Variants in CC2D2B observed in about 807,000 individuals in gnomAD.
CC2D2B encodes the protein protein CC2D2B.
A neutral mutation model predicts 161.2 loss-of-function variants in CC2D2B; 128 were observed. The ratio of observed to expected loss-of-function variants is 0.79; its 90% CI spans 0.69 to 0.92. CC2D2B has a LOEUF of 0.92. Ranked by LOEUF, CC2D2B falls within the 40% of genes least tolerant of loss-of-function variation. CC2D2B has a pLI of 0.00. For synonymous variants in CC2D2B, 391 were observed against 449.8 expected, an observed-to-expected ratio of 0.87 and a Z score of 1.65; for missense variants, 1,173 against 1,375.1, an observed-to-expected ratio of 0.85 and a Z score of 2.32.
At chr10:95,924,665 AC>A in intron 4 of CC2D2B, 113 bp from the exon 5 acceptor site, 1 of 715,798 alleles carries the variant, frequency 1.4e-6, no homozygotes, top group South Asian at 1.8e-5. Context: ...TACACATACC[AC>A]ACTTTTTAAA....
Position 95,950,104 on chromosome 10 carries a change from A to C in CC2D2B, c.1010A>C (p.Lys337Thr), listed in dbSNP as rs528011124. ...AATGTATCTCAGCTGCTTTATGAGA[A>C]GGTGAGAATGGCTTTCATTATAAAG... ...QQNVSQLLYE[K>T]LKALTDATKL... The change falls in exon 10 of 35, where the codon AAG becomes ACG. Residue 337 changes from lysine (K) to threonine (T), a missense_variant and splice_region_variant. Transcript: ENST00000646931. 2 of 398,762 alleles carry C rather than the reference A, an allele frequency of 5.0e-6. No homozygotes were observed. The highest frequency in any genetic ancestry group is 2.5e-4 in the South Asian group (2 of 7,854). 24.7% of individuals were successfully genotyped at this position (398,762 alleles called of 1,614,324 possible). A position where few individuals can be genotyped will look rare whatever the true frequency, so the allele number is the denominator to read the frequency against.
At position 96,032,917 on chromosome 10, in the gene CC2D2B, G is replaced by C; in HGVS notation, c.*909G>C. On this transcript the variant is annotated 3_prime_UTR_variant, in exon 35 of 35. Coordinates refer to ENST00000646931, the MANE Select transcript of CC2D2B (RefSeq NM_001349008.3). The stretch of plus-strand genomic sequence containing the variant: ...TTCTTTCTTAGTAGTGGCTTATCTA[G>C]ATCCTAAGAGCCCCTCAAGAAAGAC... 2.9e-6 allele frequency: 1 copy of C among 348,684 alleles called. No homozygotes were observed. Among genetic ancestry groups the C allele is most frequent in the East Asian group, 7.6e-5 (1 of 13,210 alleles). 21.6% of individuals were successfully genotyped at this position (348,684 alleles called of 1,614,324 possible).
At chr10:96,024,714 G>T in intron 32 of CC2D2B, 139 bp from the exon 33 acceptor site, 1 of 510,928 alleles carries the variant, frequency 2.0e-6, no homozygotes. Context: ...GCTGTGGTCT[G>T]CATGTTACCT....
At position 96,016,282 on chromosome 10, in the gene CC2D2B, G is replaced by A. The variant is rs2079195793; in HGVS notation, c.3598G>A (p.Ala1200Thr). The A allele has an allele frequency of 1.9e-6, 3 of 1,612,232 alleles. No homozygotes were observed. Among genetic ancestry groups the A allele is most frequent in the Non-Finnish European group, 2.5e-6 (3 of 1,178,566 alleles). The stretch of plus-strand genomic sequence containing the variant: ...TTTCTTTCTGTATTTTGGAAAGAAG[G>A]CACTGGTCCTCTTGGGAACGTCAGT... ...CNFFLYFGKK[A>T]LVLLGTSVLE... is the part of the protein sequence containing the mutation. The change falls in exon 30 of 35, where the codon GCA becomes ACA. Residue 1200 changes from alanine to threonine, a missense_variant. By Grantham distance (58) the Ala-to-Thr change is moderately conservative (BLOSUM62 0). Around this residue, in one of 3 missense-constraint regions of CC2D2B, gnomAD observed 598 missense variants for 693.2 expected, o/e 0.86. Transcript: ENST00000646931.
intron 17 of CC2D2B, among the ~76,000 whole-genome samples, chr10:95,981,195 C>A (rs2077508560): frequency 6.6e-6 from 1 of 152,104 alleles, no homozygotes; most frequent in South Asian, 2.1e-4. Context: ...AGATTGAAAC[C>A]ATCCTGGCCA....
chr10:96,026,215 G>A (rs1048039975), intron 33 of CC2D2B, among the ~76,000 whole-genome samples: 2 of 152,160 alleles, frequency 1.3e-5, no homozygotes, highest in African/African-American at 4.8e-5. Context: ...TGCAGTTAGA[G>A]AATCAATGCC....
intron 17 of CC2D2B, 73 bp from the exon 18 acceptor site, chr10:95,981,902 A>G (rs1312737788): frequency 2.6e-6 from 2 of 778,290 alleles, no homozygotes; most frequent in Non-Finnish European, 3.5e-6. Context: ...TTTACCCTAT[A>G]TAACAGTGTA....
chr10:95,924,361 A>G lies in CC2D2B; in HGVS notation c.145A>G (p.Lys49Glu). The G allele has an allele frequency of 1.3e-6, 2 of 1,524,274 alleles. No individual in the cohort carries two copies. Among genetic ancestry groups the G allele is most frequent in the South Asian group, 2.5e-5 (2 of 78,930 alleles). The allele number at this position is 1,524,274 out of a possible 1,614,324, so 94.4% of individuals were successfully genotyped here. A position where few individuals can be genotyped will look rare whatever the true frequency, so the allele number is the denominator to read the frequency against. ...NQNVAKTLRG[K>E]VREKLKISKI... Reference sequence around the variant, plus strand: ...AAATGTAGCAAAGACATTGAGAGGCAAAGTGAGAGAAAAGCTAAAAATTTC... The same window carrying G: ...AAATGTAGCAAAGACATTGAGAGGCGAAGTGAGAGAAAAGCTAAAAATTTC... Residue 49 changes from lysine (K) to glutamate (E), a missense_variant, in exon 4 of 35, where the codon AAA (lysine) becomes GAA (glutamate). By Grantham distance (56) the Lys-to-Glu change is moderately conservative (BLOSUM62 1). Coordinates refer to ENST00000646931, the MANE Select transcript of CC2D2B (RefSeq NM_001349008.3).
chr10:95,979,531 G>A (rs1214679439), intron 17 of CC2D2B, among the ~76,000 whole-genome samples: 1 of 151,914 alleles, frequency 6.6e-6, no homozygotes, highest in Non-Finnish European at 1.5e-5. Flanking sequence ...GATAAGCCTG[G>A]TGCTAGTTCC....
chr10:96,018,990 A>G, intron 30 of CC2D2B: 1 of 396,494 alleles, frequency 2.5e-6, no homozygotes, highest in Non-Finnish European at 4.4e-6. Context: ...TTTTTGTGAT[A>G]GATACAGGGT....
rs147217083 is a variant in CC2D2B, at chr10:95,909,899, T to A, written c.-23-1402T>A. ...CAGTGGCTCATGCCTATAATTCCAA[T>A]GCTTTGAGAGGCTGAGGCAGGAGGA... On this transcript the variant is annotated intron_variant, in intron 1 of 34. Coordinates refer to ENST00000646931, the MANE Select transcript of CC2D2B (RefSeq NM_001349008.3). 2.6e-3 allele frequency among the ~76,000 whole-genome samples: 403 copies of A among 152,266 alleles called. 1 individual carries two copies. The highest frequency in any genetic ancestry group is 9.1e-3 in the African/African-American group (378 of 41,554).
intron 26 of CC2D2B, among the ~76,000 whole-genome samples, chr10:96,010,796 G>A (rs543612222): frequency 1.3e-5 from 2 of 152,228 alleles, no homozygotes; most frequent in South Asian, 4.1e-4. Flanking sequence ...AATTGGTCAA[G>A]CAAATAAGGG....
chr10:95,964,768 A>C (rs61871140), intron 12 of CC2D2B, among the ~76,000 whole-genome samples: 40,623 of 152,024 alleles, frequency 0.27, 6,333 homozygotes, highest in Admixed American at 0.36. Context: ...AAAAGCATAT[A>C]ATACCTTTTA....
At position 96,012,359 on chromosome 10, in the gene CC2D2B, C is replaced by G; in HGVS notation, c.3220C>G (p.Leu1074Val). ...QISYVTCNPTLDKFLDQTEVL... is the reference protein window; with the variant it reads ...QISYVTCNPTVDKFLDQTEVL... The stretch of plus-strand genomic sequence containing the variant: ...ATCATATGTCACCTGTAATCCAACA[C>G]TAGATAAGGTAGGTTTTACATTGAA... Residue 1074 changes from leucine to valine, a missense_variant, in exon 27 of 35, where the codon CTA (leucine) becomes GTA (valine). By Grantham distance (32) the Leu-to-Val change is conservative. This residue lies in a region of CC2D2B where 598 missense variants were observed against 693.2 expected (regional missense o/e 0.86). Coordinates refer to ENST00000646931, the MANE Select transcript of CC2D2B (RefSeq NM_001349008.3). 1.4e-6 allele frequency: 1 copy of G among 690,000 alleles called. No homozygotes were observed. The highest frequency in any genetic ancestry group is 1.6e-5 in the South Asian group (1 of 62,158). 42.7% of individuals were successfully genotyped at this position (690,000 alleles called of 1,614,324 possible).
rs540923318 is a variant in CC2D2B, at chr10:95,922,255, G to A, written c.97+179G>A. ...GCATAAGGAAATAGAAAAGTCAATG[G>A]ATGTAATAAACCTGAATTTCATTTT... On this transcript the variant is annotated intron_variant, in intron 3 of 34. Coordinates refer to ENST00000646931, the MANE Select transcript of CC2D2B (RefSeq NM_001349008.3). Among the ~76,000 whole-genome samples the A allele has an allele frequency of 3.2e-4, 49 of 152,286 alleles. 1 individual carries two copies. Among genetic ancestry groups the A allele is most frequent in the South Asian group, 6.2e-4 (3 of 4,824 alleles).
chr10:95,990,668 G>A lies in CC2D2B; in HGVS notation c.2380-702G>A, dbSNP rs74628405. Among the ~76,000 whole-genome samples the A allele has an allele frequency of 2.1e-3, 323 of 152,222 alleles. 1 individual carries two copies. Among genetic ancestry groups the A allele is most frequent in the African/African-American group, 7.6e-3 (315 of 41,524 alleles). On this transcript the variant is annotated intron_variant, in intron 20 of 34. Transcript: ENST00000646931. ...GCTTCAAGAAGATAACTAGGGTCTC[G>A]ATTACATTGTCTCCAGAATGATCTT...
chr10:96,018,246 A>G (rs1266698111), intron 30 of CC2D2B, among the ~76,000 whole-genome samples: 1 of 152,226 alleles, frequency 6.6e-6, no homozygotes, highest in Admixed American at 6.5e-5. Flanking sequence ...TTGGTAGGAT[A>G]GGCTTACACT....
intron 30 of CC2D2B, among the ~76,000 whole-genome samples, chr10:96,017,069 T>C (rs974114943): frequency 6.6e-6 from 1 of 152,214 alleles, no homozygotes; most frequent in Non-Finnish European, 1.5e-5. Flanking sequence ...AAAACACTTC[T>C]CCTCATGCTC....
intron 12 of CC2D2B, among the ~76,000 whole-genome samples, chr10:95,962,890 A>G (rs372038623): frequency 1.3e-5 from 2 of 151,878 alleles, no homozygotes; most frequent in East Asian, 1.9e-4. Context: ...CTTTAAACCA[A>G]CCTCACACAC....
Sources: gnomAD v4.1 joint callset for allele counts (sites outside exome capture counted in the v4.1 genomes callset) on GRCh38, gnomAD v4.1.1 for gene constraint, gnomAD v4.1.1 regional missense constraint, MANE v1.5 for transcripts, NCBI Gene and HGNC (gene_info 2026-07-23, HGNC 2026-07-21) for gene names.